NUFIP1: variants seen among roughly 807,000 people sequenced by gnomAD.
NUFIP1 encodes the protein FMR1-interacting protein NUFIP1.
A neutral mutation model predicts 56.2 loss-of-function variants in NUFIP1; 38 were observed. The observed-to-expected ratio is 0.68, with a 90% CI of 0.52 to 0.89. NUFIP1 has a LOEUF of 0.89. Among genes scored for constraint, NUFIP1 ranks in the 40% least tolerant of loss-of-function variants. The pLI is 0.00. For missense variants in NUFIP1, 567 were observed against 605.8 expected (o/e 0.94, Z 0.67); for synonymous variants, 215 against 212.4 (o/e 1.01, Z -0.10).
intron 5 of NUFIP1, among the ~76,000 whole-genome samples, chr13:44,972,964 C>A (rs987386066): frequency 6.6e-6 from 1 of 152,172 alleles, no homozygotes; most frequent in Non-Finnish European, 1.5e-5. Context: ...AGAAGTTATG[C>A]AAAGATAAGC....
At chr13:44,955,242 C>A (rs1460456554) in intron 7 of NUFIP1, among the ~76,000 whole-genome samples, 1 of 152,152 alleles carries the variant, frequency 6.6e-6, no homozygotes, top group Non-Finnish European at 1.5e-5. Context: ...TAATGACAGA[C>A]AATAAGCCAC....
At chr13:44,988,292 G>A (rs1872498834) in intron 1 of NUFIP1, among the ~76,000 whole-genome samples, 1 of 152,006 alleles carries the variant, frequency 6.6e-6, no homozygotes, top group Non-Finnish European at 1.5e-5. Context: ...TGGTGGCGTG[G>A]GCCTGTAGTC....
intron 7 of NUFIP1, among the ~76,000 whole-genome samples, chr13:44,956,885 C>T (rs1871265210): frequency 6.6e-6 from 1 of 152,042 alleles, no homozygotes; most frequent in Non-Finnish European, 1.5e-5. Context: ...AACCCCTGGT[C>T]TAAAACAGAT....
chr13:44,958,018 C>CA (rs1487061064), intron 7 of NUFIP1, among the ~76,000 whole-genome samples: 3 of 152,082 alleles, frequency 2.0e-5, no homozygotes, highest in Admixed American at 2.0e-4. Context: ...TGAAAGAAAA[C>CA]AAACAAAAAA....
At chr13:44,969,537 G>T (rs1255092579) in intron 5 of NUFIP1, among the ~76,000 whole-genome samples, 1 of 152,122 alleles carries the variant, frequency 6.6e-6, no homozygotes, top group African/African-American at 2.4e-5. Context: ...TTCACAGTTG[G>T]TTTTTCTATA....
intron 1 of NUFIP1, among the ~76,000 whole-genome samples, chr13:44,986,809 G>C (rs771159838): frequency 6.6e-6 from 1 of 151,918 alleles, no homozygotes; most frequent in Non-Finnish European, 1.5e-5. Flanking sequence ...GTGCTTTTTT[G>C]AGAAGGAATC....
chr13:44,966,702 G>A (rs1036673259), intron 5 of NUFIP1, among the ~76,000 whole-genome samples: 1 of 152,010 alleles, frequency 6.6e-6, no homozygotes, highest in African/African-American at 2.4e-5. Flanking sequence ...AAATATACAC[G>A]GTGGCTCATG....
chr13:44,989,084 C>T lies in NUFIP1; in HGVS notation c.353G>A (p.Trp118Ter). 6.2e-7 allele frequency: 1 copy of T among 1,614,156 alleles called. No individual in the cohort carries two copies. Among genetic ancestry groups the T allele is most frequent in the Non-Finnish European group, 8.5e-7 (1 of 1,180,032 alleles). The change falls in exon 1 of 10, where the codon TGG (tryptophan) becomes TAG (stop). Residue 118 changes from tryptophan to a stop codon, truncating the protein, a stop_gained. Coordinates refer to ENST00000379161, the MANE Select transcript of NUFIP1 (RefSeq NM_012345.3). LOFTEE classifies it high-confidence loss of function. ...QPWNFHASTS[W>*]YWRQSSDRFP... ...CCTATCAGAAGACTGTCTCCAATAC[C>T]ACGATGTGGAAGCATGGAAATTCCA...
chr13:44,980,898 A>C, intron 2 of NUFIP1, 78 bp from the exon 3 acceptor site: 1 of 831,952 alleles, frequency 1.2e-6, no homozygotes, highest in Non-Finnish European at 1.9e-6. Flanking sequence ...CTATCATTCT[A>C]GTAATACACA....
At chr13:44,951,495 T>C (rs1024458066) in intron 7 of NUFIP1, among the ~76,000 whole-genome samples, 1 of 152,204 alleles carries the variant, frequency 6.6e-6, no homozygotes, top group Admixed American at 6.5e-5. Context: ...GCTAGAATGC[T>C]TCCCACAGAC....
chr13:44,957,100 A>G (rs1871271264), intron 7 of NUFIP1, among the ~76,000 whole-genome samples: 1 of 152,214 alleles, frequency 6.6e-6, no homozygotes, highest in South Asian at 2.1e-4. Flanking sequence ...TTTATATTCA[A>G]GATACAGGTT....
At chr13:44,987,761 C>T (rs1419128337) in intron 1 of NUFIP1, among the ~76,000 whole-genome samples, 2 of 152,156 alleles carry the variant, frequency 1.3e-5, no homozygotes, top group African/African-American at 4.8e-5. Context: ...GCTTCCTAAC[C>T]GGTTTCCCTT....
rs1870711615 is a variant in NUFIP1, at chr13:44,940,936, AACAAT to A, written c.*265_*269del. 3 of 254,744 alleles carry A rather than the reference AACAAT, an allele frequency of 1.2e-5. No homozygotes were observed. The highest frequency in any genetic ancestry group is 1.0e-4 in the Admixed American group (2 of 19,912). 15.8% of individuals were successfully genotyped at this position (254,744 alleles called of 1,614,324 possible). A position where few individuals can be genotyped will look rare whatever the true frequency, so the allele number is the denominator to read the frequency against. On this transcript the variant is annotated 3_prime_UTR_variant, in exon 10 of 10. Transcript: ENST00000379161. ...ACAACATCAGTCATTCTTACATGAG[AACAAT>A]ACATTAAAATAAATACAAAGAAAAA...
chr13:44,979,806 A>T, intron 4 of NUFIP1, 84 bp downstream of exon 4: 1 of 928,958 alleles, frequency 1.1e-6, no homozygotes, highest in Non-Finnish European at 1.6e-6. Context: ...ACCTATTATT[A>T]GGTATATAAA....
chr13:44,982,427 C>G (rs1872226993), intron 1 of NUFIP1, among the ~76,000 whole-genome samples: 1 of 152,198 alleles, frequency 6.6e-6, no homozygotes, highest in African/African-American at 2.4e-5. Flanking sequence ...GATGAAATTC[C>G]TTCGGTTATT....
At chr13:44,944,156 T>C (rs1260682798) in intron 8 of NUFIP1, among the ~76,000 whole-genome samples, 1 of 152,154 alleles carries the variant, frequency 6.6e-6, no homozygotes, top group East Asian at 1.9e-4. Context: ...AATCTTAAAT[T>C]ACATGTGAAG....
chr13:44,987,573 A>G (rs1374527859), intron 1 of NUFIP1, among the ~76,000 whole-genome samples: 1 of 152,140 alleles, frequency 6.6e-6, no homozygotes, highest in Non-Finnish European at 1.5e-5. Context: ...TTTTACATGC[A>G]ACGGAAAACC....
chr13:44,948,145 T>A (rs1870958515), intron 8 of NUFIP1, among the ~76,000 whole-genome samples: 1 of 147,612 alleles, frequency 6.8e-6, no homozygotes, highest in South Asian at 2.2e-4. Flanking sequence ...CATTTCCTTT[T>A]TTTTTTTTTT....
intron 5 of NUFIP1, among the ~76,000 whole-genome samples, chr13:44,973,786 G>A (rs1351291901): frequency 6.6e-6 from 1 of 152,180 alleles, no homozygotes; most frequent in Admixed American, 6.5e-5. Flanking sequence ...GCAATGAGCA[G>A]AACTTTAAAG....
Sources: allele counts gnomAD v4.1 joint callset (sites outside exome capture counted in the v4.1 genomes callset), GRCh38; gene constraint gnomAD v4.1.1; transcripts MANE v1.5; gene names NCBI Gene and HGNC (gene_info 2026-07-23, HGNC 2026-07-21).